Variants in NME7 observed in about 807,000 individuals in gnomAD.
NME7 encodes nucleoside diphosphate kinase 7.
A neutral mutation model predicts 49.1 loss-of-function variants in NME7; 41 were observed. That is an observed-to-expected ratio of 0.83 (90% CI 0.65 to 1.08). The LOEUF (loss-of-function observed/expected upper bound fraction) is 1.08. Among genes scored for constraint, NME7 ranks in the 50% least tolerant of loss-of-function variants. The probability of loss-of-function intolerance (pLI) is 0.00; values close to 1 mark genes in which losing one functional copy is unlikely to be tolerated. For missense variants in NME7, 423 were observed against 463.4 expected (o/e 0.91, Z 0.80); for synonymous variants, 139 against 150.6 (o/e 0.92, Z 0.56).
At chr1:169,148,152 A>C (rs935203384) in intron 11 of NME7, among the ~76,000 whole-genome samples, 1 of 151,986 alleles carries the variant, frequency 6.6e-6, no homozygotes, top group Non-Finnish European at 1.5e-5. Flanking sequence ...ACAGGTGCAC[A>C]TTACCACACC....
rs976026135 is a variant in NME7, at chr1:169,287,480, G to A, written c.649-72C>T. 2.0e-5 allele frequency: 21 copies of A among 1,073,452 alleles called. No individual in the cohort carries two copies. The African/African-American group carries it at 2.6e-4, about 13-fold the overall frequency. The allele number at this position is 1,073,452 out of a possible 1,614,324, so 66.5% of individuals were successfully genotyped here. On this transcript the variant is annotated intron_variant, in intron 6 of 11. Coordinates refer to ENST00000367811, the MANE Select transcript of NME7 (RefSeq NM_013330.5). ...GAACTTACAAGATATTTCTGTGGGG[G>A]AGGAGAATCATGCAATTACTTTTAG...
intron 1 of NME7, among the ~76,000 whole-genome samples, chr1:169,341,547 T>C (rs1183133164): frequency 1.3e-5 from 2 of 152,054 alleles, no homozygotes; most frequent in Non-Finnish European, 2.9e-5. Flanking sequence ...AGGGCCAATG[T>C]CCTCCAGACC....
intron 1 of NME7, 111 bp from the exon 2 acceptor site, chr1:169,324,611 C>A (rs897948059): frequency 3.1e-6 from 2 of 642,112 alleles, no homozygotes; most frequent in Non-Finnish European, 2.7e-6. Flanking sequence ...TTACTTCTAC[C>A]TATTATATTG....
At chr1:169,172,567 T>C (rs1654288166) in intron 10 of NME7, among the ~76,000 whole-genome samples, 2 of 152,210 alleles carry the variant, frequency 1.3e-5, no homozygotes, top group Admixed American at 6.5e-5. Flanking sequence ...CTTTAGTTCA[T>C]TTTTCATGCT....
intron 11 of NME7, among the ~76,000 whole-genome samples, chr1:169,167,207 T>A (rs1308352225): frequency 4.7e-5 from 6 of 128,602 alleles, no homozygotes; most frequent in Non-Finnish European, 8.8e-5. Flanking sequence ...TTGTTTATTA[T>A]TAATAATATT....
intron 11 of NME7, among the ~76,000 whole-genome samples, chr1:169,151,623 C>T (rs1476107062): frequency 6.6e-6 from 1 of 152,188 alleles, no homozygotes; most frequent in Non-Finnish European, 1.5e-5. Context: ...ATCCTTCCAC[C>T]AGGCCAGACC....
At chr1:169,216,717 A>T (rs1309393274) in intron 10 of NME7, among the ~76,000 whole-genome samples, 1 of 152,158 alleles carries the variant, frequency 6.6e-6, no homozygotes, top group Non-Finnish European at 1.5e-5. Flanking sequence ...TGAACCCTCA[A>T]CCTATGGGAT....
intron 7 of NME7, among the ~76,000 whole-genome samples, chr1:169,238,481 A>ACG (rs1471432200): frequency 2.4e-5 from 3 of 122,456 alleles, no homozygotes; most frequent in African/African-American, 1.0e-4. Flanking sequence ...ACAAAGGCAC[A>ACG]CACACACACA....
intron 1 of NME7, among the ~76,000 whole-genome samples, chr1:169,360,991 T>C (rs1309707141): frequency 2.0e-5 from 3 of 152,234 alleles, no homozygotes; most frequent in African/African-American, 7.2e-5. Context: ...ATTTTTCTTT[T>C]GTAATCCAAC....
In NME7 at chr1:169,269,670, A is replaced by G. The variant is rs114815377; in HGVS notation, c.754+17633T>C. On this transcript the variant is annotated intron_variant, in intron 7 of 11. Coordinates refer to ENST00000367811, the MANE Select transcript of NME7 (RefSeq NM_013330.5). ...AGAGGCTCTGAGTAAGAATAACCCAATTTCTAAAAGTGAGGACATGATAAA... is the reference window on the plus strand; with the variant it reads ...AGAGGCTCTGAGTAAGAATAACCCAGTTTCTAAAAGTGAGGACATGATAAA... 2.4e-3 allele frequency among the ~76,000 whole-genome samples: 318 copies of G among 133,352 alleles called. 37 individuals are homozygous for G. The highest frequency in any genetic ancestry group is 7.8e-3 in the African/African-American group (309 of 39,496). 87.5% of individuals were successfully genotyped at this position (133,352 alleles called of 152,430 possible). A position where few individuals can be genotyped will look rare whatever the true frequency, so the allele number is the denominator to read the frequency against.
At chr1:169,317,552 A>G (rs548046170) in intron 3 of NME7, among the ~76,000 whole-genome samples, 56 of 152,304 alleles carry the variant, frequency 3.7e-4, no homozygotes, top group South Asian at 1.0e-3. Context: ...TTACTGAACT[A>G]AGGTATTCCT....
intron 10 of NME7, among the ~76,000 whole-genome samples, chr1:169,208,526 A>G (rs946350830): frequency 6.6e-6 from 1 of 152,168 alleles, no homozygotes; most frequent in African/African-American, 2.4e-5. Flanking sequence ...GGCTGTTAAC[A>G]GCTAACTCCC....
chr1:169,229,684 G>A (rs988192108), intron 10 of NME7, among the ~76,000 whole-genome samples: 3 of 152,174 alleles, frequency 2.0e-5, no homozygotes, highest in Admixed American at 2.0e-4. Context: ...TAAATGGCCG[G>A]GCATAGCGGC....
chr1:169,252,009 C>T (rs1245480079), intron 7 of NME7, among the ~76,000 whole-genome samples: 6 of 148,802 alleles, frequency 4.0e-5, no homozygotes, highest in African/African-American at 1.2e-4. Flanking sequence ...TGAATAATGC[C>T]GCAATAAACA....
At chr1:169,276,774 G>T (rs1320649243) in intron 7 of NME7, among the ~76,000 whole-genome samples, 11 of 134,108 alleles carry the variant, frequency 8.2e-5, no homozygotes, top group Admixed American at 7.4e-4. Context: ...TTTTAATTGT[G>T]ATGTTAGGGT....
intron 11 of NME7, among the ~76,000 whole-genome samples, chr1:169,146,438 C>T (rs1008026571): frequency 2.6e-5 from 4 of 152,066 alleles, no homozygotes; most frequent in Non-Finnish European, 4.4e-5. Context: ...AGCCAAAGCC[C>T]TTTGGAGTAT....
At chr1:169,313,207 GA>G (rs35862763) in intron 3 of NME7, among the ~76,000 whole-genome samples, 27,571 of 126,058 alleles carry the variant, frequency 0.22, 3,617 homozygotes, top group East Asian at 0.75. Context: ...GGACAAAAGT[GA>G]AAAAAAAAAA....
At chr1:169,186,227 T>C (rs1252867989) in intron 10 of NME7, among the ~76,000 whole-genome samples, 1 of 152,086 alleles carries the variant, frequency 6.6e-6, no homozygotes, top group Admixed American at 6.6e-5. Context: ...TAAATGGTAC[T>C]TCATTAGGTT....
Position 169,334,869 on chromosome 1 carries a change from G to GA in NME7, c.4-10370dup, listed in dbSNP as rs1178245644. ...ACAAGGAACTTAAACATATTTATAA[G>GA]AAAAAAACAAACAACCCCATCCAAA... On this transcript the variant is annotated intron_variant, in intron 1 of 11. Transcript: ENST00000367811. Among the ~76,000 whole-genome samples, 5 of 151,810 alleles carry GA rather than the reference G, an allele frequency of 3.3e-5. No individual in the cohort carries two copies. The East Asian group carries it at 7.7e-4, about 23-fold the overall frequency.
Sources: allele counts gnomAD v4.1 joint callset (sites outside exome capture counted in the v4.1 genomes callset), GRCh38; gene constraint gnomAD v4.1.1; transcripts MANE v1.5; gene names NCBI Gene and HGNC (gene_info 2026-07-23, HGNC 2026-07-21).